The following BGN variants were observed in gnomAD, a reference collection of about 807,000 sequenced individuals.
BGN encodes bone/cartilage proteoglycan-I.
A neutral mutation model predicts 20.0 loss-of-function variants in BGN; 6 were observed. That is an observed-to-expected ratio of 0.30 (90% confidence interval 0.16 to 0.59). BGN has a LOEUF of 0.59. Ranked by LOEUF, BGN falls within the 20% of genes least tolerant of loss-of-function variation. BGN has a pLI of 0.88. For missense variants in BGN, 292 were observed against 312.1 expected (o/e 0.94, Z 0.49); for synonymous variants, 146 against 134.6 (o/e 1.08, Z -0.59).
At chrX:153,506,124 TG>T in intron 4 of BGN, 48 bp downstream of exon 4, 2 of 1,135,760 alleles carry the variant, frequency 1.8e-6, no homozygotes, top group South Asian at 3.7e-5. Flanking sequence ...TCTCGAGGCA[TG>T]GGGAAGGGAG....
At chrX:153,495,688 C>A (rs2089708371) in intron 1 of BGN, among the ~76,000 whole-genome samples, 2 of 112,162 alleles carry the variant, frequency 1.8e-5, no homozygotes, top group South Asian at 3.8e-4. Flanking sequence ...GGCTGAAAGA[C>A]TTAGTTTCCC....
Position 153,506,520 on chromosome X carries a change from C to T in BGN, c.566-9C>T. 5.0e-6 allele frequency: 6 copies of T among 1,206,785 alleles called. No homozygotes were observed. Among genetic ancestry groups the T allele is most frequent in the Non-Finnish European group, 6.7e-6 (6 of 891,884 alleles). On this transcript the variant is annotated splice_polypyrimidine_tract_variant and intron_variant, in intron 4 of 7. Transcript: ENST00000331595. ...CCAGGCTCCCGGGCTAATGAGGTCT[C>T]TCCCCTAGAGATGGGCGGGAACCCA...
chrX:153,504,798 C>T lies in BGN; in HGVS notation c.167C>T (p.Thr56Ile), dbSNP rs199564098. 2.6e-5 allele frequency: 32 copies of T among 1,210,160 alleles called. No homozygotes were observed. Among genetic ancestry groups the T allele is most frequent in the Admixed American group, 4.4e-5 (2 of 45,943 alleles). ...TSGVLDPDSV[T>I]PTYSAMCPFG... ...GGCGTCCTGGACCCGGACTCTGTCACACCCACCTACAGCGCCATGTGTCCT... is the reference window on the plus strand; with the variant it reads ...GGCGTCCTGGACCCGGACTCTGTCATACCCACCTACAGCGCCATGTGTCCT... Residue 56 changes from threonine to isoleucine, a missense_variant, in exon 2 of 8, where the codon ACA (threonine) becomes ATA (isoleucine). By Grantham distance (89) the Thr-to-Ile change is moderately conservative. Coordinates refer to ENST00000331595, the MANE Select transcript of BGN (RefSeq NM_001711.6).
At chrX:153,505,405 G>T in intron 3 of BGN, 55 bp downstream of exon 3, 1 of 1,036,920 alleles carries the variant, frequency 9.6e-7, no homozygotes. Flanking sequence ...GGTCCGGGTG[G>T]GTGCATGTGC....
intron 1 of BGN, among the ~76,000 whole-genome samples, chrX:153,502,803 C>T (rs1316027564): frequency 5.3e-5 from 6 of 112,872 alleles, no homozygotes; most frequent in East Asian, 2.8e-4. Flanking sequence ...CCTTGGGCTC[C>T]GACTCCCACT....
intron 1 of BGN, among the ~76,000 whole-genome samples, chrX:153,498,030 C>T (rs2089731488): frequency 8.9e-6 from 1 of 112,714 alleles, no homozygotes; most frequent in Non-Finnish European, 1.9e-5. Context: ...TCCCAGCCAG[C>T]CCAAGGGGCA....
chrX:153,504,617 C>A lies in BGN; in HGVS notation c.-11-4C>A. The A allele has an allele frequency of 8.4e-7, 1 of 1,185,205 alleles. No homozygotes were observed. The highest frequency in any genetic ancestry group is 1.1e-6 in the Non-Finnish European group (1 of 875,368). ...GCTGATGATCCCCTCGCCTCTTCCC[C>A]CAGGTCCATCCGCCATGTGGCCCCT... On this transcript the variant is annotated splice_polypyrimidine_tract_variant and splice_region_variant and intron_variant, in intron 1 of 7. Coordinates refer to ENST00000331595, the MANE Select transcript of BGN (RefSeq NM_001711.6).
chrX:153,495,981 G>A (rs2047204220), intron 1 of BGN, among the ~76,000 whole-genome samples: 1 of 112,876 alleles, frequency 8.9e-6, no homozygotes, highest in African/African-American at 3.2e-5. Context: ...AAGGGACCCA[G>A]GAGAGGGAGC....
chrX:153,500,660 T>C (rs1277242334), intron 1 of BGN, among the ~76,000 whole-genome samples: 1 of 113,242 alleles, frequency 8.8e-6, no homozygotes, highest in East Asian at 2.7e-4. Context: ...TGTATGTGTG[T>C]ACATATGTGT....
At chrX:153,496,680 C>T (rs999184742) in intron 1 of BGN, among the ~76,000 whole-genome samples, 8 of 112,157 alleles carry the variant, frequency 7.1e-5, no homozygotes, top group Admixed American at 1.9e-4. Flanking sequence ...ACCCTACCAA[C>T]GCATAGATGG....
Position 153,497,434 on chromosome X carries a change from C to T in BGN, c.-12+2321C>T, listed in dbSNP as rs1271450772. Among the ~76,000 whole-genome samples, 5 of 110,858 alleles carry T rather than the reference C, an allele frequency of 4.5e-5. No homozygotes were observed. The East Asian group carries it at 1.2e-3, about 26-fold the overall frequency. ...CGGCCCTGGCCCCCACCCTGCCGAC[C>T]GGGCCTGGGGCGATCAGTGCCCCAG... On this transcript the variant is annotated intron_variant, in intron 1 of 7. Coordinates refer to ENST00000331595, the MANE Select transcript of BGN (RefSeq NM_001711.6).
In BGN at chrX:153,509,171, C is replaced by T. The variant is rs2089827026; in HGVS notation, c.*726C>T. The stretch of plus-strand genomic sequence containing the variant: ...GGCCTGTTCCCTCCATCTCTCCGAA[C>T]CTGGCTTCGCCTGTCCCTTTCACTC... On this transcript the variant is annotated 3_prime_UTR_variant, in exon 8 of 8. Transcript: ENST00000331595. The T allele has an allele frequency of 9.1e-6, 1 of 109,455 alleles. No individual in the cohort carries two copies. The highest frequency in any genetic ancestry group is 1.9e-5 in the Non-Finnish European group (1 of 53,186). The allele number at this position is 109,455 out of a possible 1,213,427, so 9.0% of individuals were successfully genotyped here.
intron 1 of BGN, among the ~76,000 whole-genome samples, chrX:153,504,124 T>G (rs1238214612): frequency 8.9e-6 from 1 of 112,174 alleles, no homozygotes; most frequent in Non-Finnish European, 1.9e-5. Flanking sequence ...TCATCCACGC[T>G]GCCCTGAGCC....
rs190020138 is a variant in BGN at position 153,504,546 on chromosome X, C to T, written c.-11-75C>T. ...GATGGGAACGCAGTGCCACCACACA[C>T]GCGGAACACCAGCCCCTGGCATGGA... On this transcript the variant is annotated intron_variant, in intron 1 of 7. Transcript: ENST00000331595. 5.5e-3 allele frequency: 4,852 copies of T among 881,281 alleles called. 17 individuals carry two copies. Among genetic ancestry groups the T allele is most frequent in the Middle Eastern group, 7.2e-3 (18 of 2,494 alleles). 72.6% of individuals were successfully genotyped at this position (881,281 alleles called of 1,213,427 possible). A position where few individuals can be genotyped will look rare whatever the true frequency, so the allele number is the denominator to read the frequency against.
chrX:153,497,877 T>G (rs886932595), intron 1 of BGN, among the ~76,000 whole-genome samples: 3 of 112,495 alleles, frequency 2.7e-5, no homozygotes, highest in Admixed American at 9.3e-5. Flanking sequence ...CTTCGCTGTT[T>G]CGCTGTTTGC....
Position 153,501,854 on chromosome X carries a change from G to A in BGN, c.-11-2767G>A, listed in dbSNP as rs781846748. ...CTCAGCCTCCCTCCCCGCTCTGAGG[G>A]AACCTCTTCCCCTTGCCCCTTTCTC... On this transcript the variant is annotated intron_variant, in intron 1 of 7. Coordinates refer to ENST00000331595, the MANE Select transcript of BGN (RefSeq NM_001711.6). Among the ~76,000 whole-genome samples, 23 of 112,061 alleles carry A rather than the reference G, an allele frequency of 2.1e-4. No individual in the cohort carries two copies. The East Asian group carries it at 6.3e-3, about 31-fold the overall frequency.
chrX:153,502,968 G>A (rs2089771142), intron 1 of BGN, among the ~76,000 whole-genome samples: 1 of 112,485 alleles, frequency 8.9e-6, no homozygotes, highest in African/African-American at 3.2e-5. Flanking sequence ...TTCTAGGGGG[G>A]ATGCCAATGC....
chrX:153,508,468 G>A lies in BGN; in HGVS notation c.*23G>A. The A allele has an allele frequency of 8.3e-7, 1 of 1,199,257 alleles. No homozygotes were observed. On this transcript the variant is annotated 3_prime_UTR_variant, in exon 8 of 8. Coordinates refer to ENST00000331595, the MANE Select transcript of BGN (RefSeq NM_001711.6). ...TAGAGGCAGCTGCAGCCACCGCGGG[G>A]CCTCAGTGGGGGTCTCTGGGGAACA... is the stretch of plus-strand genomic sequence containing the variant.
chrX:153,500,160 T>C (rs927233660), intron 1 of BGN, among the ~76,000 whole-genome samples: 10 of 112,965 alleles, frequency 8.9e-5, no homozygotes, highest in Non-Finnish European at 1.5e-4. Flanking sequence ...CGCATCTTGT[T>C]TGGCTGTGAC....
Sources: allele counts gnomAD v4.1 joint callset (sites outside exome capture counted in the v4.1 genomes callset), GRCh38; gene constraint gnomAD v4.1.1; transcripts MANE v1.5; gene names NCBI Gene and HGNC (gene_info 2026-07-23, HGNC 2026-07-21).